Variants in XPR1 observed in about 807,000 individuals in gnomAD.
XPR1 encodes the protein solute carrier family 53 member 1.
XPR1 carries 28 observed loss-of-function variants against 87.5 expected under a neutral mutation model. The observed-to-expected ratio is 0.32, with a 90% CI of 0.24 to 0.44. The LOEUF is 0.44. Among genes scored for constraint, XPR1 ranks in the 20% least tolerant of loss-of-function variants. XPR1 has a pLI of 1.00. For missense variants in XPR1, 559 were observed against 862.3 expected (o/e 0.65, Z 4.41); for synonymous variants, 300 against 306.1 (o/e 0.98, Z 0.21).
chr1:180,841,314 A>T lies in XPR1; in HGVS notation c.1501+4598A>T, dbSNP rs143081679. Among the ~76,000 whole-genome samples, 503 of 152,012 alleles carry T rather than the reference A, an allele frequency of 3.3e-3. 7 individuals carry two copies. The highest frequency in any genetic ancestry group is 0.012 in the African/African-American group (494 of 41,456). The stretch of plus-strand genomic sequence containing the variant: ...CCTGTTATGTGCCTTGCTCAAGGAC[A>T]TGTAATTTGTGAGTGGTGGAGGTGT... On this transcript the variant is annotated intron_variant, in intron 11 of 14. Coordinates refer to ENST00000367590, the MANE Select transcript of XPR1 (RefSeq NM_004736.4).
intron 2 of XPR1, among the ~76,000 whole-genome samples, chr1:180,703,410 G>C (rs567478506): frequency 6.6e-6 from 1 of 152,168 alleles, no homozygotes; most frequent in Non-Finnish European, 1.5e-5. Context: ...GCATGCGGGT[G>C]CCAGCATCAG....
At chr1:180,774,101 A>C (rs1052680978) in intron 2 of XPR1, among the ~76,000 whole-genome samples, 5 of 152,138 alleles carry the variant, frequency 3.3e-5, no homozygotes, top group African/African-American at 9.7e-5. Flanking sequence ...TGTCTTTATC[A>C]GACAAACAAG....
At chr1:180,765,089 T>C (rs552800248) in intron 2 of XPR1, among the ~76,000 whole-genome samples, 8 of 152,274 alleles carry the variant, frequency 5.3e-5, no homozygotes, top group African/African-American at 1.9e-4. Flanking sequence ...TCGGCCCTTA[T>C]GGATAATTTT....
intron 2 of XPR1, among the ~76,000 whole-genome samples, chr1:180,725,603 T>C (rs906895245): frequency 1.3e-5 from 2 of 152,228 alleles, no homozygotes; most frequent in Non-Finnish European, 2.9e-5. Flanking sequence ...TTTTGCATTC[T>C]CTTGCAAAAG....
At chr1:180,834,565 G>T (rs1044003133) in intron 9 of XPR1, among the ~76,000 whole-genome samples, 1 of 152,188 alleles carries the variant, frequency 6.6e-6, no homozygotes. Context: ...GGGGGTAGTG[G>T]CATCTCCCTG....
At chr1:180,649,064 T>C (rs1260619557) in intron 1 of XPR1, among the ~76,000 whole-genome samples, 1 of 152,166 alleles carries the variant, frequency 6.6e-6, no homozygotes, top group Non-Finnish European at 1.5e-5. Context: ...AAATCCTTGT[T>C]TGTGAAACTA....
chr1:180,779,727 G>A (rs1181606115), intron 2 of XPR1, among the ~76,000 whole-genome samples: 3 of 150,770 alleles, frequency 2.0e-5, no homozygotes, highest in African/African-American at 7.3e-5. Context: ...AGAGGGAGAG[G>A]GAAAAAAAGG....
At chr1:180,786,522 G>C (rs1041020864) in intron 2 of XPR1, among the ~76,000 whole-genome samples, 2 of 152,104 alleles carry the variant, frequency 1.3e-5, no homozygotes, top group African/African-American at 4.8e-5. Context: ...AGTCTAAATA[G>C]ATCTCACTTG....
chr1:180,826,898 C>T (rs940383009), intron 9 of XPR1, among the ~76,000 whole-genome samples: 9 of 151,652 alleles, frequency 5.9e-5, no homozygotes, highest in African/African-American at 2.2e-4. Flanking sequence ...TCACGCCTGT[C>T]GTCCCAGCAC....
chr1:180,765,756 G>C (rs948806604), intron 2 of XPR1, among the ~76,000 whole-genome samples: 1 of 148,586 alleles, frequency 6.7e-6, no homozygotes, highest in East Asian at 2.0e-4. Flanking sequence ...AAATATTTTC[G>C]TTCTGCAGTT....
At chr1:180,672,400 A>G (rs1025756952) in intron 1 of XPR1, among the ~76,000 whole-genome samples, 9 of 152,160 alleles carry the variant, frequency 5.9e-5, no homozygotes, top group African/African-American at 2.2e-4. Flanking sequence ...GAATTTGTGT[A>G]AGAGTTTTTC....
At chr1:180,779,439 T>A (rs926403175) in intron 2 of XPR1, among the ~76,000 whole-genome samples, 1 of 152,136 alleles carries the variant, frequency 6.6e-6, no homozygotes, top group Non-Finnish European at 1.5e-5. Flanking sequence ...ATAATTCACA[T>A]ATAAAATTCA....
chr1:180,772,950 T>TA, intron 2 of XPR1, among the ~76,000 whole-genome samples: 1 of 152,346 alleles, frequency 6.6e-6, no homozygotes, highest in South Asian at 2.1e-4. Context: ...TTCACACTGT[T>TA]AACCTCTGAT....
At chr1:180,728,105 C>T (rs1436340714) in intron 2 of XPR1, among the ~76,000 whole-genome samples, 1 of 152,074 alleles carries the variant, frequency 6.6e-6, no homozygotes, top group Admixed American at 6.5e-5. Context: ...GGTTCACACG[C>T]CTCTGATATC....
intron 7 of XPR1, among the ~76,000 whole-genome samples, chr1:180,821,731 T>C (rs1370683124): frequency 6.6e-6 from 1 of 152,246 alleles, no homozygotes; most frequent in Admixed American, 6.5e-5. Context: ...GAGTTTGTAG[T>C]ATACAGGTCT....
chr1:180,704,902 T>G (rs1036897412), intron 2 of XPR1, among the ~76,000 whole-genome samples: 8 of 147,440 alleles, frequency 5.4e-5, no homozygotes, highest in African/African-American at 2.0e-4. Context: ...GCTTTGGAAG[T>G]ATCATTGCTA....
At chr1:180,881,091 T>A (rs1316610611) in intron 14 of XPR1, among the ~76,000 whole-genome samples, 1 of 152,130 alleles carries the variant, frequency 6.6e-6, no homozygotes, top group Non-Finnish European at 1.5e-5. Context: ...AAGAATAATT[T>A]TGCTGAATAG....
At chr1:180,846,622 A>G (rs897762537) in intron 11 of XPR1, among the ~76,000 whole-genome samples, 11 of 151,820 alleles carry the variant, frequency 7.2e-5, no homozygotes, top group African/African-American at 2.7e-4. Context: ...TTGTATTATT[A>G]GTAGAGATGG....
At chr1:180,795,223 A>T (rs987948321) in intron 3 of XPR1, among the ~76,000 whole-genome samples, 1 of 152,206 alleles carries the variant, frequency 6.6e-6, no homozygotes, top group African/African-American at 2.4e-5. Flanking sequence ...CATTCTGAAG[A>T]TAGCTTGTAG....
Sources: gnomAD v4.1 joint callset for allele counts (sites outside exome capture counted in the v4.1 genomes callset) on GRCh38, gnomAD v4.1.1 for gene constraint, MANE v1.5 for transcripts, NCBI Gene and HGNC (gene_info 2026-07-23, HGNC 2026-07-21) for gene names.